UTRN: variants seen among roughly 807,000 people sequenced by gnomAD.
The protein encoded by UTRN is dystrophin-related protein 1.
Under a neutral mutation model 463.9 loss-of-function variants are expected in UTRN, and 283 were observed. The ratio of observed to expected loss-of-function variants is 0.61; its 90% CI spans 0.55 to 0.67. The LOEUF (loss-of-function observed/expected upper bound fraction) is 0.67. UTRN is among the 30% of genes least tolerant of loss of function. The pLI is 0.00. For missense variants in UTRN, 3,922 were observed against 4,084.3 expected, an observed-to-expected ratio of 0.96 and a Z score of 1.08; for synonymous variants, 1,442 against 1,431.5, an observed-to-expected ratio of 1.01 and a Z score of -0.17.
chr6:144,327,627 A>G (rs1192460102), intron 2 of UTRN, among the ~76,000 whole-genome samples: 2 of 152,142 alleles, frequency 1.3e-5, no homozygotes, highest in Admixed American at 1.3e-4. Context: ...TTATGTGCAT[A>G]TATTCACAGA....
intron 64 of UTRN, among the ~76,000 whole-genome samples, 163 bp downstream of exon 64, chr6:144,798,153 A>G (rs182475850): frequency 3.3e-5 from 5 of 152,336 alleles, no homozygotes; most frequent in African/African-American, 1.2e-4. Context: ...ATTTCTTTTT[A>G]TAACTACTAC....
intron 22 of UTRN, among the ~76,000 whole-genome samples, 157 bp from the exon 23 acceptor site, chr6:144,462,497 T>C (rs573802672): frequency 2.6e-5 from 4 of 152,342 alleles, no homozygotes; most frequent in Admixed American, 6.5e-5. Flanking sequence ...TCTTCCACAG[T>C]GGTTGAACTA....
chr6:144,573,839 G>A (rs985872102), intron 50 of UTRN, among the ~76,000 whole-genome samples: 5 of 152,122 alleles, frequency 3.3e-5, no homozygotes, highest in East Asian at 3.8e-4. Context: ...GGAAAGATAC[G>A]AAAACTATAT....
intron 51 of UTRN, among the ~76,000 whole-genome samples, chr6:144,614,134 G>C (rs1805818238): frequency 6.6e-6 from 1 of 152,048 alleles, no homozygotes; most frequent in Admixed American, 6.6e-5. Context: ...ACCAATGGTT[G>C]CAGGTGTAGC....
At chr6:144,446,861 A>G (rs1317170944) in intron 14 of UTRN, among the ~76,000 whole-genome samples, 1 of 152,194 alleles carries the variant, frequency 6.6e-6, no homozygotes, top group African/African-American at 2.4e-5. Context: ...GGACAAGACA[A>G]TCTCCGAGCT....
intron 38 of UTRN, 57 bp downstream of exon 38, chr6:144,516,444 T>G: frequency 6.5e-7 from 1 of 1,534,332 alleles, no homozygotes; most frequent in Non-Finnish European, 8.8e-7. Context: ...TCTATTAATT[T>G]CATTTTTACA....
intron 30 of UTRN, 94 bp from the exon 31 acceptor site, chr6:144,489,977 G>A (rs1251586647): frequency 6.7e-7 from 1 of 1,485,376 alleles, no homozygotes; most frequent in East Asian, 2.4e-5. Flanking sequence ...ACGATATCAT[G>A]TATTACACAA....
At chr6:144,358,478 A>AT (rs1380449416) in intron 2 of UTRN, among the ~76,000 whole-genome samples, 1 of 152,220 alleles carries the variant, frequency 6.6e-6, no homozygotes, top group African/African-American at 2.4e-5. Flanking sequence ...CAACATTTAG[A>AT]TTTTTTAGCC....
At chr6:144,803,641 C>T (rs1400115444) in intron 65 of UTRN, among the ~76,000 whole-genome samples, 5 of 151,894 alleles carry the variant, frequency 3.3e-5, no homozygotes, top group South Asian at 2.1e-4. Flanking sequence ...CATTCCATTT[C>T]GTCACACAGT....
At position 144,447,269 on chromosome 6, in the gene UTRN, G is replaced by A. The variant is rs768163478; in HGVS notation, c.1673G>A (p.Ser558Asn). The change falls in exon 15 of 75, where the codon AGC becomes AAC. Residue 558 changes from serine to asparagine, a missense_variant. Physicochemically the swap from Ser to Asn is conservative, Grantham distance 46. Transcript: ENST00000367545. ...KEEALNKVQT[S>N]NFKDQKELSV... ...GAGGCTTTAAATAAAGTCCAGACAA[G>A]CAACTTCAAAGACCAAAAGGAACTA... The A allele has an allele frequency of 2.5e-6, 4 of 1,613,834 alleles. No individual in the cohort carries two copies. In the South Asian group the frequency reaches 3.3e-5, roughly 13 times the overall value.
intron 33 of UTRN, among the ~76,000 whole-genome samples, chr6:144,495,511 G>T (rs976783527): frequency 6.6e-6 from 1 of 152,166 alleles, no homozygotes; most frequent in African/African-American, 2.4e-5. Flanking sequence ...CCCGGTTCCC[G>T]CTCGCGCCTC....
chr6:144,823,706 G>C (rs1336076427), intron 66 of UTRN, among the ~76,000 whole-genome samples: 5 of 152,086 alleles, frequency 3.3e-5, no homozygotes, highest in Admixed American at 1.3e-4. Flanking sequence ...CAATAAATGA[G>C]TAGAGTTTGA....
Position 144,451,355 on chromosome 6 carries a change from T to C in UTRN, c.2073-15T>C, listed in dbSNP as rs1472819982. ...AGGAAACATGACAAATGGTCACCTC[T>C]GAATCTTCAAACAGGTTTGATGCTA... On this transcript the variant is annotated splice_polypyrimidine_tract_variant and intron_variant, in intron 17 of 74. Transcript: ENST00000367545. The C allele has an allele frequency of 1.2e-6, 2 of 1,607,064 alleles. No individual in the cohort carries two copies. The highest frequency in any genetic ancestry group is 1.7e-6 in the Non-Finnish European group (2 of 1,177,606).
chr6:144,837,133 C>T (rs1275223186), intron 71 of UTRN: 1 of 152,814 alleles, frequency 6.5e-6, no homozygotes, highest in African/African-American at 2.4e-5. Context: ...GAAATGCCAG[C>T]TCTTATTTTC....
chr6:144,815,818 A>G (rs1779026650), intron 65 of UTRN, among the ~76,000 whole-genome samples: 1 of 152,226 alleles, frequency 6.6e-6, no homozygotes, highest in Non-Finnish European at 1.5e-5. Context: ...ACCCTCACAG[A>G]CACACCCAGG....
At chr6:144,587,139 A>C (rs1246970244) in intron 51 of UTRN, among the ~76,000 whole-genome samples, 2 of 152,280 alleles carry the variant, frequency 1.3e-5, no homozygotes, top group East Asian at 1.9e-4. Flanking sequence ...TATACACAAC[A>C]CGATTTTGGT....
chr6:144,614,855 CA>C (rs1805909107), intron 51 of UTRN, among the ~76,000 whole-genome samples: 1 of 152,056 alleles, frequency 6.6e-6, no homozygotes, highest in Non-Finnish European at 1.5e-5. Flanking sequence ...AAGTTATTTA[CA>C]TGATAATTAA....
At chr6:144,806,201 T>C (rs1456118886) in intron 65 of UTRN, among the ~76,000 whole-genome samples, 1 of 152,188 alleles carries the variant, frequency 6.6e-6, no homozygotes, top group Non-Finnish European at 1.5e-5. Flanking sequence ...AGTAGGTGCA[T>C]ACTTAAGAAT....
intron 34 of UTRN, among the ~76,000 whole-genome samples, chr6:144,509,464 G>C (rs1193130191): frequency 6.6e-6 from 1 of 151,682 alleles, no homozygotes; most frequent in East Asian, 1.9e-4. Flanking sequence ...TGAAAAATTT[G>C]TTTCTTTTGG....
Sources: allele counts gnomAD v4.1 joint callset (sites outside exome capture counted in the v4.1 genomes callset), GRCh38; gene constraint gnomAD v4.1.1; transcripts MANE v1.5; gene names NCBI Gene and HGNC (gene_info 2026-07-23, HGNC 2026-07-21).